DLGAP1: variants seen among roughly 807,000 people sequenced by gnomAD.
The protein encoded by DLGAP1 is disks large-associated protein 1.
In DLGAP1, 11 loss-of-function variants were observed where a neutral mutation model predicts 90.8. The observed-to-expected ratio is 0.12, with a 90% CI of 0.08 to 0.20. The LOEUF is 0.20. DLGAP1 is among the 10% of genes least tolerant of loss of function. DLGAP1 has a pLI of 1.00. For synonymous variants in DLGAP1, 558 were observed against 540.7 expected (o/e 1.03, Z -0.44); for missense variants, 1,050 against 1,333.8 (o/e 0.79, Z 3.31).
chr18:4,206,422 G>A (rs1402250385), intron 1 of DLGAP1, among the ~76,000 whole-genome samples: 1 of 152,142 alleles, frequency 6.6e-6, no homozygotes, highest in Non-Finnish European at 1.5e-5. Context: ...GCAGTGCAAA[G>A]GAACTATGCC....
At chr18:4,110,074 G>A (rs1235477548) in intron 2 of DLGAP1, among the ~76,000 whole-genome samples, 1 of 152,010 alleles carries the variant, frequency 6.6e-6, no homozygotes, top group Non-Finnish European at 1.5e-5. Context: ...GATACCTTCT[G>A]AGAAATGTGT....
intron 1 of DLGAP1, among the ~76,000 whole-genome samples, chr18:4,427,136 T>C (rs1247924010): frequency 1.3e-5 from 2 of 152,126 alleles, no homozygotes; most frequent in Non-Finnish European, 2.9e-5. Flanking sequence ...AAGAACAAGG[T>C]GAGCCACAGA....
At chr18:3,912,664 TA>T (rs1260918377) in intron 3 of DLGAP1, among the ~76,000 whole-genome samples, 1 of 152,116 alleles carries the variant, frequency 6.6e-6, no homozygotes, top group Non-Finnish European at 1.5e-5. Context: ...AGGGAGGTGA[TA>T]GGGGCGTGCC....
intron 3 of DLGAP1, among the ~76,000 whole-genome samples, chr18:4,002,051 G>C (rs1342577351): frequency 6.6e-6 from 1 of 151,736 alleles, no homozygotes. Flanking sequence ...GGTTTATAGG[G>C]ATGTGTTTTC....
intron 3 of DLGAP1, among the ~76,000 whole-genome samples, chr18:3,926,184 G>A (rs1312297478): frequency 6.6e-6 from 1 of 152,162 alleles, no homozygotes; most frequent in Non-Finnish European, 1.5e-5. Flanking sequence ...AACTACTTCA[G>A]CATTATTGAC....
chr18:3,882,437 G>A (rs1396949409), intron 3 of DLGAP1, among the ~76,000 whole-genome samples: 3 of 151,324 alleles, frequency 2.0e-5, no homozygotes, highest in South Asian at 2.1e-4. Context: ...AGTGGGGAGA[G>A]GATTGCTTGA....
intron 7 of DLGAP1, among the ~76,000 whole-genome samples, chr18:3,694,705 T>A (rs1194551127): frequency 6.6e-6 from 1 of 152,234 alleles, no homozygotes; most frequent in Non-Finnish European, 1.5e-5. Flanking sequence ...TCTGTGCACA[T>A]CCTTTGCCCA....
intron 3 of DLGAP1, among the ~76,000 whole-genome samples, chr18:3,938,872 C>T (rs527951887): frequency 3.9e-5 from 6 of 152,270 alleles, no homozygotes; most frequent in African/African-American, 9.6e-5. Context: ...ACAAAGAAAG[C>T]AGGTGGCAGA....
chr18:4,182,386 T>C (rs1186515969), intron 1 of DLGAP1, among the ~76,000 whole-genome samples: 4 of 152,186 alleles, frequency 2.6e-5, no homozygotes, highest in African/African-American at 2.4e-5. Flanking sequence ...GGCCGGAAGA[T>C]GGCACCAGAG....
chr18:3,547,991 C>G (rs2053158125), intron 9 of DLGAP1, among the ~76,000 whole-genome samples: 1 of 152,112 alleles, frequency 6.6e-6, no homozygotes, highest in African/African-American at 2.4e-5. Context: ...GGAGGCTACA[C>G]ACAAAAGGCC....
At chr18:3,685,845 C>T (rs115780556) in intron 7 of DLGAP1, among the ~76,000 whole-genome samples, 5 of 152,122 alleles carry the variant, frequency 3.3e-5, no homozygotes, top group African/African-American at 4.8e-5. Context: ...AAGGCCCGTG[C>T]CATCATATAA....
intron 1 of DLGAP1, among the ~76,000 whole-genome samples, chr18:4,265,805 C>T (rs910410790): frequency 2.6e-5 from 4 of 151,376 alleles, no homozygotes; most frequent in African/African-American, 7.3e-5. Flanking sequence ...TTCCTGCCTC[C>T]GCCTTCTCAG....
intron 1 of DLGAP1, among the ~76,000 whole-genome samples, chr18:4,411,763 G>A (rs1213819172): frequency 6.6e-6 from 1 of 152,108 alleles, no homozygotes; most frequent in Non-Finnish European, 1.5e-5. Flanking sequence ...ATTTTGACTA[G>A]AGCACCCAGT....
Position 3,879,272 on chromosome 18 carries a change from G to T in DLGAP1, c.797C>A (p.Pro266Gln). The T allele has an allele frequency of 1.9e-6, 3 of 1,598,098 alleles. No homozygotes were observed. Among genetic ancestry groups the T allele is most frequent in the Non-Finnish European group, 1.7e-6 (2 of 1,171,658 alleles). The change falls in exon 4 of 13, where the codon CCG (proline) becomes CAG (glutamine). Residue 266 changes from proline to glutamine, a missense_variant. This residue lies in a region of DLGAP1 where 485 missense variants were observed against 454.1 expected (regional missense o/e 1.07). Coordinates refer to ENST00000315677, the MANE Select transcript of DLGAP1 (RefSeq NM_004746.4). The surrounding 1 kb of genome is among the most constrained non-coding windows in gnomAD (Gnocchi z 6.6). ...CAGCAGCGGGGTGTCCAGGCTGACC[G>T]GCAGGTTGGCGCAGGTGGAGCACTT... ...DVKCSTCANL[P>Q]VSLDTPLLKK...
intron 3 of DLGAP1, chr18:3,896,193 G>A (rs1412405115): frequency 6.6e-6 from 1 of 152,130 alleles, no homozygotes; most frequent in East Asian, 1.9e-4. Flanking sequence ...TAAATAACTT[G>A]CCCACAGGGC....
intron 2 of DLGAP1, among the ~76,000 whole-genome samples, chr18:4,031,585 T>C (rs2074797199): frequency 6.6e-6 from 1 of 152,156 alleles, no homozygotes; most frequent in Non-Finnish European, 1.5e-5. Context: ...AAGGAACCAT[T>C]TGTTAAAACC....
At chr18:4,324,635 C>G (rs557562325) in intron 1 of DLGAP1, among the ~76,000 whole-genome samples, 1 of 152,058 alleles carries the variant, frequency 6.6e-6, no homozygotes, top group Admixed American at 6.6e-5. Context: ...ACTACCAAAT[C>G]AAATCCAGCA....
intron 5 of DLGAP1, among the ~76,000 whole-genome samples, chr18:3,811,095 C>T (rs113443429): frequency 7.2e-5 from 11 of 152,242 alleles, no homozygotes; most frequent in East Asian, 3.9e-4. Flanking sequence ...TGTAAGCCAC[C>T]GTGCCAGGCC....
At chr18:3,806,700 T>A (rs1411895360) in intron 5 of DLGAP1, among the ~76,000 whole-genome samples, 1 of 152,224 alleles carries the variant, frequency 6.6e-6, no homozygotes, top group Non-Finnish European at 1.5e-5. Context: ...TGAGGCTCTC[T>A]GCAAAGAGAA....
Sources: gnomAD v4.1 joint callset for allele counts (sites outside exome capture counted in the v4.1 genomes callset) on GRCh38, gnomAD v4.1.1 for gene constraint, gnomAD v4.1.1 regional missense constraint, Gnocchi (gnomAD v3.1) non-coding constraint, MANE v1.5 for transcripts, NCBI Gene and HGNC (gene_info 2026-07-23, HGNC 2026-07-21) for gene names.